FYTTD1: variants seen among roughly 807,000 people sequenced by gnomAD.
The protein encoded by FYTTD1 is UAP56-interacting factor.
Under a neutral mutation model 40.9 loss-of-function variants are expected in FYTTD1, and 22 were observed. That is an observed-to-expected ratio of 0.54 (90% CI 0.38 to 0.77). The LOEUF (loss-of-function observed/expected upper bound fraction) is 0.77, where lower values mean the gene tolerates loss of function less well. Among genes scored for constraint, FYTTD1 ranks in the 30% least tolerant of loss-of-function variants. FYTTD1 has a pLI of 0.00. For missense variants in FYTTD1, 351 were observed against 392.2 expected, an observed-to-expected ratio of 0.90 and a Z score of 0.89; for synonymous variants, 140 against 137.9, an observed-to-expected ratio of 1.01 and a Z score of -0.10.
intron 1 of FYTTD1, 49 bp from the exon 2 acceptor site, chr3:197,756,377 T>G: frequency 7.1e-7 from 1 of 1,399,956 alleles, no homozygotes; most frequent in Non-Finnish European, 1.0e-6. Context: ...CGAAACTGAG[T>G]AATTGAGTTA....
At position 197,755,063 on chromosome 3, in the gene FYTTD1, T is replaced by C. The variant is rs137989743; in HGVS notation, c.104-1363T>C. 3.8e-3 allele frequency among the ~76,000 whole-genome samples: 583 copies of C among 152,326 alleles called. 2 individuals carry two copies. Among genetic ancestry groups the C allele is most frequent in the Non-Finnish European group, 5.1e-3 (344 of 68,018 alleles). On this transcript the variant is annotated intron_variant, in intron 1 of 8. Transcript: ENST00000241502. ...TTCTGGTCTTCACCTTGTTCTGTTG[T>C]GTATTTTTGTTTGTGAATTACCTTG...
intron 6 of FYTTD1, among the ~76,000 whole-genome samples, chr3:197,775,431 A>C (rs1729848308): frequency 6.6e-6 from 1 of 152,114 alleles, no homozygotes; most frequent in South Asian, 2.1e-4. Context: ...AGAGATTAAA[A>C]TCCTCAGATA....
At chr3:197,767,780 A>G (rs1729595846) in intron 2 of FYTTD1, among the ~76,000 whole-genome samples, 1 of 152,226 alleles carries the variant, frequency 6.6e-6, no homozygotes, top group Admixed American at 6.5e-5. Flanking sequence ...TAGGTAAGAT[A>G]TGTAATGGAA....
Position 197,782,042 on chromosome 3 carries a change from G to GT in FYTTD1, c.*133_*134insT. 6.8e-6 allele frequency: 3 copies of GT among 439,004 alleles called. No homozygotes were observed. The highest frequency in any genetic ancestry group is 7.5e-5 in the South Asian group (1 of 13,284). The allele number at this position is 439,004 out of a possible 1,614,324, so 27.2% of individuals were successfully genotyped here. A position where few individuals can be genotyped will look rare whatever the true frequency, so the allele number is the denominator to read the frequency against. ...AATAACTCTTATTTTTATTTTTGAA[G>GT]GTTTTTTTTTTTAAAAAAAAAAACG... On this transcript the variant is annotated 3_prime_UTR_variant, in exon 9 of 9. Coordinates refer to ENST00000241502, the MANE Select transcript of FYTTD1 (RefSeq NM_032288.7).
At chr3:197,756,796 G>T (rs1729227919) in intron 2 of FYTTD1, among the ~76,000 whole-genome samples, 1 of 152,202 alleles carries the variant, frequency 6.6e-6, no homozygotes, top group Admixed American at 6.5e-5. Context: ...TTTATACACA[G>T]TCTAAATTAT....
chr3:197,765,309 T>C (rs572294199), intron 2 of FYTTD1, among the ~76,000 whole-genome samples: 36 of 152,304 alleles, frequency 2.4e-4, no homozygotes, highest in Non-Finnish European at 4.7e-4. Context: ...ACTTATTCTT[T>C]TGGAATATTT....
chr3:197,774,286 C>A, intron 6 of FYTTD1, 76 bp downstream of exon 6: 2 of 1,207,754 alleles, frequency 1.7e-6, no homozygotes, highest in South Asian at 1.2e-5. Context: ...TCATGTACCT[C>A]AGTCCAGAAG....
Position 197,781,844 on chromosome 3 carries a change from C to T in FYTTD1, c.892C>T (p.Leu298=). Reference sequence around the variant, plus strand: ...GACGTTGAATGAGCGGTTTGGGATCCTGAAGGAACAAAGAGCCACTCTCAC... The same window carrying T: ...GACGTTGAATGAGCGGTTTGGGATCTTGAAGGAACAAAGAGCCACTCTCAC... The part of the protein sequence containing the change: ...GMTLNERFGI[L]KEQRATLTYN... The change falls in exon 9 of 9, where the codon CTG becomes TTG. Residue 298 remains leucine (L), a synonymous_variant. Transcript: ENST00000241502. 2.5e-6 allele frequency: 4 copies of T among 1,609,216 alleles called. No individual in the cohort carries two copies. Among genetic ancestry groups the T allele is most frequent in the Non-Finnish European group, 3.4e-6 (4 of 1,177,050 alleles).
intron 6 of FYTTD1, among the ~76,000 whole-genome samples, chr3:197,776,300 G>T (rs955820267): frequency 1.3e-5 from 2 of 151,350 alleles, no homozygotes; most frequent in African/African-American, 4.9e-5. Context: ...CCCCCTCCCG[G>T]GTTCAAGCAG....
chr3:197,763,630 T>C (rs1390366740), intron 2 of FYTTD1: 1 of 364,588 alleles, frequency 2.7e-6, no homozygotes, highest in Non-Finnish European at 5.4e-6. Context: ...AAAGAAAGAG[T>C]ATAAAGAGGT....
chr3:197,765,491 C>T (rs988018551), intron 2 of FYTTD1, among the ~76,000 whole-genome samples: 3 of 152,044 alleles, frequency 2.0e-5, no homozygotes, highest in African/African-American at 7.2e-5. Flanking sequence ...CAGTTTTTCC[C>T]AATATGGTTT....
Position 197,782,684 on chromosome 3 carries a change from A to T in FYTTD1, c.*775A>T, listed in dbSNP as rs1405734819. 6.6e-6 allele frequency: 1 copy of T among 152,224 alleles called. No homozygotes were observed. Among genetic ancestry groups the T allele is most frequent in the Non-Finnish European group, 1.5e-5 (1 of 68,040 alleles). The allele number at this position is 152,224 out of a possible 1,614,324, so 9.4% of individuals were successfully genotyped here. The stretch of plus-strand genomic sequence containing the variant: ...GGAAGTAAGTAGCAAGTTGAAGGAC[A>T]GGTAGTTGAGATGAAACACTTCAAA... On this transcript the variant is annotated 3_prime_UTR_variant, in exon 9 of 9. Transcript: ENST00000241502.
intron 2 of FYTTD1, among the ~76,000 whole-genome samples, chr3:197,763,226 C>A (rs1560495224): frequency 6.6e-6 from 1 of 151,904 alleles, no homozygotes; most frequent in Non-Finnish European, 1.5e-5. Context: ...CCAGCCTGGC[C>A]AACATGGCAA....
chr3:197,760,241 T>G (rs1464073442), intron 2 of FYTTD1, among the ~76,000 whole-genome samples: 2 of 152,074 alleles, frequency 1.3e-5, no homozygotes, highest in African/African-American at 4.8e-5. Context: ...TCTTCAGTGG[T>G]AGAACGTATA....
chr3:197,769,592 CAT>C (rs1471721048), intron 3 of FYTTD1, among the ~76,000 whole-genome samples: 5 of 152,134 alleles, frequency 3.3e-5, no homozygotes, highest in Admixed American at 6.6e-5. Flanking sequence ...GAGGATGTCT[CAT>C]GTGCTTTTGT....
rs1730125266 is a variant in FYTTD1 at position 197,785,070 on chromosome 3, A to AT, written c.*3166dup. ...GAATTGGTAATAGCCATGCTTTAGC[A>AT]TTTTTAGCATGGTAAGTAAATCTAT... is the stretch of plus-strand genomic sequence containing the variant. On this transcript the variant is annotated 3_prime_UTR_variant, in exon 9 of 9. Transcript: ENST00000241502. 6.6e-6 allele frequency: 1 copy of AT among 152,226 alleles called. No homozygotes were observed. The allele number at this position is 152,226 out of a possible 1,614,324, so 9.4% of individuals were successfully genotyped here.
At chr3:197,750,581 G>C (rs989334076) in intron 1 of FYTTD1, 180 of 985,304 alleles carry the variant, frequency 1.8e-4, no homozygotes, top group Non-Finnish European at 2.1e-4. Context: ...CCTGGTCGCC[G>C]GGCGTTCCAG....
intron 2 of FYTTD1, among the ~76,000 whole-genome samples, chr3:197,759,995 A>C (rs1729329057): frequency 6.6e-6 from 1 of 150,840 alleles, no homozygotes; most frequent in Non-Finnish European, 1.5e-5. Context: ...TCAGTGGTAG[A>C]ACATACGGAG....
intron 2 of FYTTD1, among the ~76,000 whole-genome samples, chr3:197,765,641 C>T (rs369974348): frequency 6.6e-6 from 1 of 152,030 alleles, no homozygotes; most frequent in Non-Finnish European, 1.5e-5. Context: ...GCAGGCAGAT[C>T]ACCTGAGGTC....
Sources: allele counts gnomAD v4.1 joint callset (sites outside exome capture counted in the v4.1 genomes callset), GRCh38; gene constraint gnomAD v4.1.1; transcripts MANE v1.5; gene names NCBI Gene and HGNC (gene_info 2026-07-23, HGNC 2026-07-21).